The following CACNA1A variants were observed in gnomAD, a reference collection of about 807,000 sequenced individuals.
CACNA1A encodes calcium voltage-gated channel subunit alpha1 A.
Under a neutral mutation model 262.4 loss-of-function variants are expected in CACNA1A, and 57 were observed. The ratio of observed to expected loss-of-function variants is 0.22; its 90% CI spans 0.18 to 0.27. The LOEUF (loss-of-function observed/expected upper bound fraction) is 0.27, where lower values mean the gene tolerates loss of function less well. Among genes scored for constraint, CACNA1A ranks in the 10% least tolerant of loss-of-function variants. CACNA1A has a pLI of 1.00. For missense variants in CACNA1A, 2,526 were observed against 3,562.8 expected (o/e 0.71, Z 7.41); for synonymous variants, 1,431 against 1,419.3 (o/e 1.01, Z -0.18).
rs748434655 is a variant in CACNA1A, at chr19:13,506,147, G to C, written c.78C>G (p.Gly26=). The change falls in exon 1 of 47, where the codon GGC becomes GGG. Residue 26 remains glycine, a synonymous_variant. Coordinates refer to ENST00000360228, the MANE Select transcript of CACNA1A (RefSeq NM_001127222.2). ...GSGAAAGVVV[G]SGGGRGAGGS... is the part of the protein sequence containing the mutation. The stretch of plus-strand genomic sequence containing the variant: ...CCCCGGCTCCTCGCCCGCCTCCGCT[G>C]CCCACGACCACCCCGGCGGCTGCCC... The C allele has an allele frequency of 6.3e-7, 1 of 1,577,404 alleles. No individual in the cohort carries two copies. Among genetic ancestry groups the C allele is most frequent in the African/African-American group, 1.3e-5 (1 of 74,338 alleles).
chr19:13,222,638 G>A (rs2055276176), intron 38 of CACNA1A, among the ~76,000 whole-genome samples: 1 of 150,080 alleles, frequency 6.7e-6, no homozygotes, highest in Non-Finnish European at 1.5e-5. Flanking sequence ...CTCATGATCT[G>A]CCCGCCTCGG....
In CACNA1A at chr19:13,276,490, C is replaced by A. The variant is rs966143720; in HGVS notation, c.3883-534G>T. Among the ~76,000 whole-genome samples, 17 of 152,128 alleles carry A rather than the reference C, an allele frequency of 1.1e-4. 1 individual carries two copies. Among genetic ancestry groups the A allele is most frequent in the African/African-American group, 4.1e-4 (17 of 41,422 alleles). On this transcript the variant is annotated intron_variant, in intron 23 of 46. Coordinates refer to ENST00000360228, the MANE Select transcript of CACNA1A (RefSeq NM_001127222.2). ...CTCACTCAAAGTAAGAGCCGAAGAG[C>A]CCTCTCTGTGATCCCCGGCACAAGG...
chr19:13,481,087 C>A (rs1297188449), intron 1 of CACNA1A, among the ~76,000 whole-genome samples: 1 of 152,090 alleles, frequency 6.6e-6, no homozygotes, highest in Non-Finnish European at 1.5e-5. Context: ...ACAGTACCCA[C>A]CCCTCAGGGC....
At chr19:13,474,338 G>A (rs1018398866) in intron 1 of CACNA1A, among the ~76,000 whole-genome samples, 5 of 152,302 alleles carry the variant, frequency 3.3e-5, no homozygotes, top group Admixed American at 6.5e-5. Flanking sequence ...AGCTTGAGGC[G>A]CTTCAGAGCT....
chr19:13,334,349 C>T (rs2058519384), intron 8 of CACNA1A, 29 bp downstream of exon 8: 1 of 1,170,966 alleles, frequency 8.5e-7, no homozygotes, highest in African/African-American at 1.5e-5. Context: ...GGATCTCCAT[C>T]CCTGGGCCCC....
At chr19:13,392,215 AAAAAG>A (rs556044353) in intron 3 of CACNA1A, among the ~76,000 whole-genome samples, 28 of 152,182 alleles carry the variant, frequency 1.8e-4, no homozygotes, top group African/African-American at 5.1e-4. Context: ...CTGTTCAAAA[AAAAAG>A]AAAAGAAAAG....
chr19:13,217,429 C>A (rs915950685), intron 38 of CACNA1A, among the ~76,000 whole-genome samples: 3 of 152,130 alleles, frequency 2.0e-5, no homozygotes, highest in Non-Finnish European at 4.4e-5. Flanking sequence ...GAAAAGAAAG[C>A]GCGTTATGTT....
chr19:13,243,178 C>T (rs148658835), intron 31 of CACNA1A, among the ~76,000 whole-genome samples: 1 of 152,330 alleles, frequency 6.6e-6, no homozygotes, highest in African/African-American at 2.4e-5. Context: ...AAACTCAGGA[C>T]AGGGGAGAAT....
chr19:13,482,922 C>T (rs2145090658), intron 1 of CACNA1A, among the ~76,000 whole-genome samples: 1 of 151,400 alleles, frequency 6.6e-6, no homozygotes, highest in East Asian at 1.9e-4. Flanking sequence ...CTCTCTCTGT[C>T]TCTGCCTCCT....
intron 24 of CACNA1A, among the ~76,000 whole-genome samples, chr19:13,269,429 A>G (rs1204080233): frequency 6.6e-6 from 1 of 152,184 alleles, no homozygotes; most frequent in Non-Finnish European, 1.5e-5. Flanking sequence ...TTCATCATAC[A>G]CAAGAAAAAT....
At chr19:13,402,881 T>C (rs1439959994) in intron 3 of CACNA1A, among the ~76,000 whole-genome samples, 2,780 of 71,672 alleles carry the variant, frequency 0.039, 82 homozygotes, top group African/African-American at 0.2. Flanking sequence ...CACATATATA[T>C]ATATATATAT....
At chr19:13,458,209 G>A (rs1312545875) in intron 1 of CACNA1A, among the ~76,000 whole-genome samples, 1 of 152,078 alleles carries the variant, frequency 6.6e-6, no homozygotes, top group Non-Finnish European at 1.5e-5. Flanking sequence ...ACCCAGGCTG[G>A]AGTGCAGTGG....
At chr19:13,452,202 T>G (rs144595745) in intron 3 of CACNA1A, 1 of 152,290 alleles carries the variant, frequency 6.6e-6, no homozygotes, top group African/African-American at 2.4e-5. Context: ...TAGCTTTGGA[T>G]CTTTTGTTAT....
intron 10 of CACNA1A, among the ~76,000 whole-genome samples, chr19:13,326,910 T>G (rs553446447): frequency 2.0e-4 from 30 of 152,124 alleles, no homozygotes; most frequent in Non-Finnish European, 3.7e-4. Flanking sequence ...TTTTGTTTTT[T>G]TTTTTGAGAT....
chr19:13,319,792 G>A (rs1295012287), intron 10 of CACNA1A, among the ~76,000 whole-genome samples: 3 of 152,138 alleles, frequency 2.0e-5, no homozygotes, highest in Non-Finnish European at 4.4e-5. Context: ...TGTTTTATAC[G>A]ACAAGCTACT....
At chr19:13,480,708 C>T (rs1397821814) in intron 1 of CACNA1A, among the ~76,000 whole-genome samples, 4 of 152,112 alleles carry the variant, frequency 2.6e-5, no homozygotes, top group Non-Finnish European at 5.9e-5. Context: ...GTTACACACA[C>T]ATTTTTGACT....
intron 31 of CACNA1A, among the ~76,000 whole-genome samples, chr19:13,240,183 A>C (rs2056026618): frequency 6.7e-6 from 1 of 148,986 alleles, no homozygotes; most frequent in African/African-American, 2.5e-5. Context: ...AGAGAGAGAG[A>C]GAATTGGAGA....
rs374562419 is a variant in CACNA1A at position 13,268,656 on chromosome 19, C to T, written c.3990-5823G>A. Reference sequence around the variant, plus strand: ...TCACCGTGTTAGCCAGGATGGTCTCCATCTCTTGACCTCGTGATCCGCCCA... The same window carrying T: ...TCACCGTGTTAGCCAGGATGGTCTCTATCTCTTGACCTCGTGATCCGCCCA... On this transcript the variant is annotated intron_variant, in intron 24 of 46. Transcript: ENST00000360228. Among the ~76,000 whole-genome samples, 25 of 151,886 alleles carry T rather than the reference C, an allele frequency of 1.6e-4. No individual in the cohort carries two copies. In the East Asian group the frequency reaches 3.5e-3, roughly 21 times the overall value.
intron 44 of CACNA1A, among the ~76,000 whole-genome samples, chr19:13,209,870 C>A (rs1373259018): frequency 2.0e-5 from 3 of 152,144 alleles, no homozygotes; most frequent in Admixed American, 6.5e-5. Flanking sequence ...AGGGTGCAAA[C>A]CTGGGAGCCC....
Sources: gnomAD v4.1 joint callset for allele counts (sites outside exome capture counted in the v4.1 genomes callset) on GRCh38, gnomAD v4.1.1 for gene constraint, MANE v1.5 for transcripts, NCBI Gene and HGNC (gene_info 2026-07-23, HGNC 2026-07-21) for gene names.